The following STAT1 variants were observed in gnomAD, a reference collection of about 807,000 sequenced individuals.
STAT1 encodes signal transducer and activator of transcription 1-alpha/beta.
STAT1 carries 24 observed loss-of-function variants against 111.7 expected under a neutral mutation model. The observed-to-expected ratio is 0.21, with a 90% CI of 0.16 to 0.30. The LOEUF (loss-of-function observed/expected upper bound fraction) is 0.30. STAT1 is among the 10% of genes least tolerant of loss of function. STAT1 has a pLI of 1.00. For synonymous variants in STAT1, 332 were observed against 326.5 expected, an observed-to-expected ratio of 1.02 and a Z score of -0.18; for missense variants, 351 against 911.9, an observed-to-expected ratio of 0.38 and a Z score of 7.92.
intron 15 of STAT1, 139 bp downstream of exon 15, chr2:190,985,480 C>A (rs1692731188): frequency 2.4e-6 from 2 of 834,136 alleles, no homozygotes; most frequent in Non-Finnish European, 4.1e-6. Flanking sequence ...CACAGATATA[C>A]CAAATACCCA....
rs867970671 is a variant in STAT1, at chr2:190,971,815, C to T, written c.2239-1098G>A. On this transcript the variant is annotated intron_variant, in intron 24 of 24. Coordinates refer to ENST00000361099, the MANE Select transcript of STAT1 (RefSeq NM_007315.4). The surrounding 1 kb of genome is among the most constrained non-coding windows in gnomAD (Gnocchi z 4.1). Reference sequence around the variant, plus strand: ...GCAACCTCCACCTTCCAGGTTCAAGCGATCCTCCTGCCTCAGCCCCCCTAG... The same window carrying T: ...GCAACCTCCACCTTCCAGGTTCAAGTGATCCTCCTGCCTCAGCCCCCCTAG... Among the ~76,000 whole-genome samples, 2 of 151,942 alleles carry T rather than the reference C, an allele frequency of 1.3e-5. No individual in the cohort carries two copies. Among genetic ancestry groups the T allele is most frequent in the East Asian group, 1.9e-4 (1 of 5,182 alleles).
At chr2:191,001,514 C>T (rs1694270948) in intron 5 of STAT1, among the ~76,000 whole-genome samples, 1 of 152,180 alleles carries the variant, frequency 6.6e-6, no homozygotes, top group Admixed American at 6.5e-5. Flanking sequence ...TATCTTAAAG[C>T]TTTCTGATTC....
chr2:190,992,782 T>C (rs994681207), intron 10 of STAT1: 4 of 586,192 alleles, frequency 6.8e-6, no homozygotes, highest in South Asian at 6.9e-5. Context: ...TCTACATTCA[T>C]TGCATTCTTT....
Position 190,990,392 on chromosome 2 carries a change from G to A in STAT1, c.1038-718C>T, listed in dbSNP as rs566895428. Among the ~76,000 whole-genome samples the A allele has an allele frequency of 3.3e-5, 5 of 152,250 alleles. No homozygotes were observed. Among genetic ancestry groups the A allele is most frequent in the South Asian group, 4.1e-4 (2 of 4,828 alleles). On this transcript the variant is annotated intron_variant, in intron 11 of 24. Coordinates refer to ENST00000361099, the MANE Select transcript of STAT1 (RefSeq NM_007315.4). The surrounding 1 kb of genome is among the most constrained non-coding windows in gnomAD (Gnocchi z 5.1). ...CAGCAACACCCCAGAAAAAGGACCC[G>A]GGCCAACTATGAAGGCCAGTCCAGT...
chr2:190,990,526 C>T lies in STAT1; in HGVS notation c.1037+702G>A, dbSNP rs930604207. On this transcript the variant is annotated intron_variant, in intron 11 of 24. Coordinates refer to ENST00000361099, the MANE Select transcript of STAT1 (RefSeq NM_007315.4). The surrounding 1 kb of genome is among the most constrained non-coding windows in gnomAD (Gnocchi z 5.1). Reference sequence around the variant, plus strand: ...CTGGAAACACTTCTACAATTAGTATCGAGGAGAAAGACTACAAAACAATGT... The same window carrying T: ...CTGGAAACACTTCTACAATTAGTATTGAGGAGAAAGACTACAAAACAATGT... 1.3e-5 allele frequency among the ~76,000 whole-genome samples: 2 copies of T among 152,064 alleles called. No individual in the cohort carries two copies. Among genetic ancestry groups the T allele is most frequent in the Admixed American group, 6.5e-5 (1 of 15,270 alleles).
At position 190,987,071 on chromosome 2, in the gene STAT1, G is replaced by A; in HGVS notation, c.1098-3C>T. 6.2e-7 allele frequency: 1 copy of A among 1,603,050 alleles called. No individual in the cohort carries two copies. Among genetic ancestry groups the A allele is most frequent in the East Asian group, 2.2e-5 (1 of 44,814 alleles). On this transcript the variant is annotated splice_polypyrimidine_tract_variant and splice_region_variant and intron_variant, in intron 12 of 24. Transcript: ENST00000361099. This position sits in a 1 kb window ranked among gnomAD's most constrained non-coding sequence, Gnocchi z 4.0. ...CTGTATTTCTCTCATTCACATCTCTGCAAAAAAAATATATATAATCACATA... is the reference window on the plus strand; with the variant it reads ...CTGTATTTCTCTCATTCACATCTCTACAAAAAAAATATATATAATCACATA...
rs1692576159 is a variant in STAT1 at position 190,983,856 on chromosome 2, C to A, written c.1348-116G>T. 2 of 865,836 alleles carry A rather than the reference C, an allele frequency of 2.3e-6. No homozygotes were observed. Among genetic ancestry groups the A allele is most frequent in the Non-Finnish European group, 3.8e-6 (2 of 524,966 alleles). The allele number at this position is 865,836 out of a possible 1,614,324, so 53.6% of individuals were successfully genotyped here. The stretch of plus-strand genomic sequence containing the variant: ...TTTGTAAATTTGTACATATTTAATA[C>A]TTGAAAATGAGAAGTGTTAAGTTCT... On this transcript the variant is annotated intron_variant, in intron 16 of 24. Coordinates refer to ENST00000361099, the MANE Select transcript of STAT1 (RefSeq NM_007315.4). This position sits in a 1 kb window ranked among gnomAD's most constrained non-coding sequence, Gnocchi z 5.7.
intron 24 of STAT1, among the ~76,000 whole-genome samples, chr2:190,972,512 T>G (rs1691569610): frequency 6.6e-6 from 1 of 152,110 alleles, no homozygotes. Flanking sequence ...CCACCCTCTT[T>G]CAGAGCTGCA....
intron 5 of STAT1, among the ~76,000 whole-genome samples, chr2:191,002,970 T>C (rs1257065140): frequency 6.6e-6 from 1 of 152,232 alleles, no homozygotes; most frequent in African/African-American, 2.4e-5. Context: ...GGACTACCCT[T>C]GTAACCTATA....
chr2:190,975,825 A>C lies in STAT1; in HGVS notation c.2122T>G (p.Ser708Ala). The change falls in exon 23 of 25, where the codon TCT becomes GCT. Residue 708 changes from serine (S) to alanine (A), a missense_variant. Ser to Ala is a moderately conservative substitution (Grantham distance 99, BLOSUM62 1). Transcript: ENST00000361099. This position sits in a 1 kb window ranked among gnomAD's most constrained non-coding sequence, Gnocchi z 5.9. ...GTGTTCACTTACACTTCAGACACAG[A>C]AATCAACTCAGTCTTGATATATCCA... is the stretch of plus-strand genomic sequence containing the variant. ...GTGYIKTELI[S>A]VSEVHPSRLQ... 6.2e-7 allele frequency: 1 copy of C among 1,614,200 alleles called. No homozygotes were observed. Among genetic ancestry groups the C allele is most frequent in the Non-Finnish European group, 8.5e-7 (1 of 1,180,022 alleles).
rs1692050482 is a variant in STAT1 at position 190,978,063 on chromosome 2, A to G, written c.1873+793T>C. Among the ~76,000 whole-genome samples the G allele has an allele frequency of 6.6e-6, 1 of 152,174 alleles. No homozygotes were observed. Among genetic ancestry groups the G allele is most frequent in the African/African-American group, 2.4e-5 (1 of 41,448 alleles). On this transcript the variant is annotated intron_variant, in intron 21 of 24. Coordinates refer to ENST00000361099, the MANE Select transcript of STAT1 (RefSeq NM_007315.4). This position sits in a 1 kb window ranked among gnomAD's most constrained non-coding sequence, Gnocchi z 6.1. The stretch of plus-strand genomic sequence containing the variant: ...GCAGAAAAACAAATAGAATAAGAGT[A>G]TTCCAGAAAAACAGGAGAAGAGGAA...
In STAT1 at chr2:190,989,212, A is replaced by AGG. The variant is rs1693122101; in HGVS notation, c.1097+401_1097+402dup. ...TCTCCTTTGGGGCTGACCTAGAAGG[A>AGG]GGGGGTGGCATGCCAAGTCCAGCCA... On this transcript the variant is annotated intron_variant, in intron 12 of 24. Coordinates refer to ENST00000361099, the MANE Select transcript of STAT1 (RefSeq NM_007315.4). This position sits in a 1 kb window ranked among gnomAD's most constrained non-coding sequence, Gnocchi z 5.0. Among the ~76,000 whole-genome samples, 1 of 152,148 alleles carries AGG rather than the reference A, an allele frequency of 6.6e-6. No individual in the cohort carries two copies. The highest frequency in any genetic ancestry group is 2.1e-4 in the South Asian group (1 of 4,830).
chr2:190,986,810 C>T lies in STAT1; in HGVS notation c.1221+44G>A, dbSNP rs775373336. ...AAGGGCTGCTCTATTGTCAAAAGTC[C>T]TAAGAAACCAGAGACAACATAGAGA... is the stretch of plus-strand genomic sequence containing the variant. On this transcript the variant is annotated intron_variant, in intron 14 of 24. Transcript: ENST00000361099. This position sits in a 1 kb window ranked among gnomAD's most constrained non-coding sequence, Gnocchi z 5.0. 2.5e-6 allele frequency: 4 copies of T among 1,586,324 alleles called. No individual in the cohort carries two copies. Among genetic ancestry groups the T allele is most frequent in the African/African-American group, 2.7e-5 (2 of 74,380 alleles).
rs1345556427 is a variant in STAT1 at position 190,984,174 on chromosome 2, T to C, written c.1347+136A>G. 1.3e-6 allele frequency: 1 copy of C among 742,750 alleles called. No homozygotes were observed. The highest frequency in any genetic ancestry group is 2.3e-6 in the Non-Finnish European group (1 of 430,252). The allele number at this position is 742,750 out of a possible 1,614,324, so 46.0% of individuals were successfully genotyped here. A position where few individuals can be genotyped will look rare whatever the true frequency, so the allele number is the denominator to read the frequency against. On this transcript the variant is annotated intron_variant, in intron 16 of 24. Transcript: ENST00000361099. The surrounding 1 kb of genome is among the most constrained non-coding windows in gnomAD (Gnocchi z 5.2). Reference sequence around the variant, plus strand: ...TCTGGACCATAAATTAAGGTTAAGATAGTATTAGCTGAAAAAGATCATTTT... The same window carrying C: ...TCTGGACCATAAATTAAGGTTAAGACAGTATTAGCTGAAAAAGATCATTTT...
rs1692842014 is a variant in STAT1 at position 190,986,602 on chromosome 2, T to G, written c.1221+252A>C. On this transcript the variant is annotated intron_variant, in intron 14 of 24. Coordinates refer to ENST00000361099, the MANE Select transcript of STAT1 (RefSeq NM_007315.4). This position sits in a 1 kb window ranked among gnomAD's most constrained non-coding sequence, Gnocchi z 5.0. ...CATGCAGGCAGCAAGTGCAAATCAT[T>G]TACGTAAACACAGGCTTAGGAAATA... Among the ~76,000 whole-genome samples, 1 of 152,116 alleles carries G rather than the reference T, an allele frequency of 6.6e-6. No individual in the cohort carries two copies. Among genetic ancestry groups the G allele is most frequent in the South Asian group, 2.1e-4 (1 of 4,826 alleles).
At chr2:190,994,298 G>C (rs1251764395) in intron 10 of STAT1, among the ~76,000 whole-genome samples, 1 of 152,164 alleles carries the variant, frequency 6.6e-6, no homozygotes, top group Non-Finnish European at 1.5e-5. Flanking sequence ...CTGCAGAAGG[G>C]GGGCCGTGAA....
chr2:190,983,497 A>G lies in STAT1; in HGVS notation c.1446+145T>C. On this transcript the variant is annotated intron_variant, in intron 17 of 24. Coordinates refer to ENST00000361099, the MANE Select transcript of STAT1 (RefSeq NM_007315.4). This position sits in a 1 kb window ranked among gnomAD's most constrained non-coding sequence, Gnocchi z 5.7. ...ACATATCCATGCTTCATATTCCCAG[A>G]TTTACTCAAAAGCCTTAGAAATACC... 1.3e-6 allele frequency: 1 copy of G among 790,100 alleles called. No homozygotes were observed. The highest frequency in any genetic ancestry group is 2.2e-6 in the Non-Finnish European group (1 of 447,274). 48.9% of individuals were successfully genotyped at this position (790,100 alleles called of 1,614,324 possible). A position where few individuals can be genotyped will look rare whatever the true frequency, so the allele number is the denominator to read the frequency against.
chr2:191,009,702 C>T (rs1213635301), intron 3 of STAT1, among the ~76,000 whole-genome samples, 174 bp downstream of exon 3: 1 of 152,152 alleles, frequency 6.6e-6, no homozygotes, highest in Non-Finnish European at 1.5e-5. Context: ...TGTTGAGACA[C>T]TTTTTGGCTC....
intron 5 of STAT1, among the ~76,000 whole-genome samples, chr2:191,001,979 C>T (rs1694305781): frequency 6.6e-6 from 1 of 152,170 alleles, no homozygotes; most frequent in Non-Finnish European, 1.5e-5. Flanking sequence ...GTCAACCTTT[C>T]TTACACAGTG....
Sources: gnomAD v4.1 joint callset for allele counts (sites outside exome capture counted in the v4.1 genomes callset) on GRCh38, gnomAD v4.1.1 for gene constraint, Gnocchi (gnomAD v3.1) non-coding constraint, MANE v1.5 for transcripts, NCBI Gene and HGNC (gene_info 2026-07-23, HGNC 2026-07-21) for gene names.